The following NRG1 variants were observed in gnomAD, a reference collection of about 807,000 sequenced individuals.
The protein encoded by NRG1 is pro-neuregulin-1, membrane-bound isoform.
A neutral mutation model predicts 63.8 loss-of-function variants in NRG1; 18 were observed. That is an observed-to-expected ratio of 0.28 (90% CI 0.19 to 0.42). The LOEUF is 0.42. Among genes scored for constraint, NRG1 ranks in the 10% least tolerant of loss-of-function variants. NRG1 has a pLI of 1.00. For synonymous variants in NRG1, 302 were observed against 301.3 expected, an observed-to-expected ratio of 1.00 and a Z score of -0.02; for missense variants, 762 against 814.7, an observed-to-expected ratio of 0.94 and a Z score of 0.79.
At chr8:31,694,497 T>C (rs1026821116) in intron 1 of NRG1, among the ~76,000 whole-genome samples, 1 of 152,170 alleles carries the variant, frequency 6.6e-6, no homozygotes, top group African/African-American at 2.4e-5. Flanking sequence ...GAGGCTGCTT[T>C]TGGAGAGGGC....
intron 1 of NRG1, among the ~76,000 whole-genome samples, chr8:32,458,020 C>T (rs1029570979): frequency 2.0e-5 from 3 of 151,978 alleles, no homozygotes; most frequent in Non-Finnish European, 2.9e-5. Context: ...GGAATTCAAG[C>T]GATTCTCCTG....
At chr8:32,115,439 G>C (rs1225807393) in intron 1 of NRG1, among the ~76,000 whole-genome samples, 1 of 151,966 alleles carries the variant, frequency 6.6e-6, no homozygotes, top group Non-Finnish European at 1.5e-5. Context: ...AAAATAAAAT[G>C]TTATTAAGAA....
intron 2 of NRG1, among the ~76,000 whole-genome samples, chr8:32,598,416 C>T (rs1387949056): frequency 6.6e-6 from 1 of 151,936 alleles, no homozygotes; most frequent in Non-Finnish European, 1.5e-5. Context: ...AGAAAAGGTA[C>T]ATGTATACTT....
chr8:32,078,488 C>A (rs1477710373), intron 1 of NRG1, among the ~76,000 whole-genome samples: 1 of 152,168 alleles, frequency 6.6e-6, no homozygotes, highest in Admixed American at 6.5e-5. Flanking sequence ...ACAAAACAGG[C>A]AAATACCGGA....
At chr8:31,892,085 T>C (rs1052527682) in intron 1 of NRG1, among the ~76,000 whole-genome samples, 1 of 152,132 alleles carries the variant, frequency 6.6e-6, no homozygotes, top group East Asian at 1.9e-4. Context: ...TGAGTGTCAA[T>C]ATCCTGAATG....
chr8:32,216,984 G>A (rs371581360), intron 1 of NRG1, among the ~76,000 whole-genome samples: 8 of 152,024 alleles, frequency 5.3e-5, no homozygotes, highest in Non-Finnish European at 1.2e-4. Context: ...AGACCAAGGC[G>A]GGAGGATCTC....
chr8:32,254,136 A>G (rs2129470967), intron 1 of NRG1, among the ~76,000 whole-genome samples: 1 of 152,194 alleles, frequency 6.6e-6, no homozygotes, highest in Admixed American at 6.5e-5. Context: ...TTTTCAAAAA[A>G]CCAGCTCTTG....
At chr8:32,645,730 G>T (rs900029202) in intron 5 of NRG1, among the ~76,000 whole-genome samples, 5 of 152,152 alleles carry the variant, frequency 3.3e-5, no homozygotes, top group African/African-American at 1.2e-4. Context: ...GAACAAAATG[G>T]TTCCTTGGAA....
At chr8:32,164,948 A>T (rs554254793) in intron 1 of NRG1, among the ~76,000 whole-genome samples, 1 of 152,232 alleles carries the variant, frequency 6.6e-6, no homozygotes, top group South Asian at 2.1e-4. Flanking sequence ...TCACTGATAC[A>T]TTCTTAGCTC....
intron 1 of NRG1, among the ~76,000 whole-genome samples, chr8:32,286,540 T>C (rs1853543550): frequency 6.6e-6 from 1 of 152,230 alleles, no homozygotes; most frequent in African/African-American, 2.4e-5. Flanking sequence ...TGGGGGCAGA[T>C]CTATGATAGA....
intron 1 of NRG1, among the ~76,000 whole-genome samples, chr8:31,782,813 T>A (rs981203599): frequency 2.0e-5 from 3 of 152,114 alleles, no homozygotes; most frequent in Non-Finnish European, 4.4e-5. Context: ...GGGTCTCGGG[T>A]TCTGTGTGTC....
At chr8:32,345,767 C>T (rs905892559) in intron 1 of NRG1, among the ~76,000 whole-genome samples, 2 of 151,936 alleles carry the variant, frequency 1.3e-5, no homozygotes, top group African/African-American at 2.4e-5. Flanking sequence ...GTCAGGAGTT[C>T]GAGACCAGCC....
intron 1 of NRG1, among the ~76,000 whole-genome samples, chr8:31,668,106 T>C (rs1192254200): frequency 6.6e-6 from 1 of 152,164 alleles, no homozygotes; most frequent in Non-Finnish European, 1.5e-5. Flanking sequence ...TATGGGTGGA[T>C]ATTTGAAAAT....
intron 1 of NRG1, among the ~76,000 whole-genome samples, chr8:32,126,285 T>C (rs893481732): frequency 6.6e-6 from 1 of 151,910 alleles, no homozygotes; most frequent in African/African-American, 2.4e-5. Flanking sequence ...AACCACTTAA[T>C]CTACCTTAAG....
chr8:32,474,195 AAAAT>A (rs1824195323), intron 1 of NRG1, among the ~76,000 whole-genome samples: 1 of 152,262 alleles, frequency 6.6e-6, no homozygotes, highest in African/African-American at 2.4e-5. Flanking sequence ...ATGTGAAATT[AAAAT>A]AAATATTTTG....
At chr8:32,718,198 ATGAG>A (rs1368383194) in intron 5 of NRG1, among the ~76,000 whole-genome samples, 2 of 152,268 alleles carry the variant, frequency 1.3e-5, no homozygotes, top group African/African-American at 4.8e-5. Flanking sequence ...TGTTAACATG[ATGAG>A]TGTTTCCTAG....
At chr8:32,519,721 A>G (rs1432624119) in intron 1 of NRG1, among the ~76,000 whole-genome samples, 1 of 152,190 alleles carries the variant, frequency 6.6e-6, no homozygotes, top group Non-Finnish European at 1.5e-5. Flanking sequence ...TCCAGGATTG[A>G]ACCAAAACCA....
chr8:31,729,240 T>G (rs974798936), intron 1 of NRG1, among the ~76,000 whole-genome samples: 1 of 9,754 alleles, frequency 1.0e-4, no homozygotes, highest in East Asian at 4.5e-4. Context: ...AAACAAAGTT[T>G]TTTTTTTTTT....
chr8:32,095,904 A>G (rs188064117), intron 1 of NRG1, among the ~76,000 whole-genome samples: 1 of 152,342 alleles, frequency 6.6e-6, no homozygotes, highest in Admixed American at 6.5e-5. Flanking sequence ...TAAAATAATA[A>G]GAAGGTAATG....
Sources: allele counts gnomAD v4.1 joint callset (sites outside exome capture counted in the v4.1 genomes callset), GRCh38; gene constraint gnomAD v4.1.1; transcripts MANE v1.5; gene names NCBI Gene and HGNC (gene_info 2026-07-23, HGNC 2026-07-21).